Variants in SYNE2 observed in about 807,000 individuals in gnomAD.
The protein encoded by SYNE2 is nesprin-2.
Under a neutral mutation model 856.3 loss-of-function variants are expected in SYNE2, and 431 were observed. The ratio of observed to expected loss-of-function variants is 0.50; its 90% CI spans 0.47 to 0.55. The LOEUF (loss-of-function observed/expected upper bound fraction) is 0.55. Among genes scored for constraint, SYNE2 ranks in the 20% least tolerant of loss-of-function variants. SYNE2 has a pLI of 0.00. For missense variants in SYNE2, 8,129 were observed against 8,023.2 expected (o/e 1.01, Z -0.50); for synonymous variants, 2,923 against 2,872.3 (o/e 1.02, Z -0.56).
chr14:63,960,823 CTGTT>C (rs971401359), intron 8 of SYNE2: 5 of 756,784 alleles, frequency 6.6e-6, no homozygotes, highest in East Asian at 4.9e-5. Flanking sequence ...GATTGGAGGA[CTGTT>C]TGAGGCCAGG....
chr14:63,968,638 CAT>C (rs2096429890), intron 11 of SYNE2, among the ~76,000 whole-genome samples: 1 of 152,094 alleles, frequency 6.6e-6, no homozygotes, highest in South Asian at 2.1e-4. Context: ...GAAAAGAACA[CAT>C]ATTCTGCAGT....
intron 68 of SYNE2, 127 bp downstream of exon 68, chr14:64,121,188 G>A (rs538993306): frequency 1.2e-5 from 16 of 1,328,210 alleles, no homozygotes; most frequent in Admixed American, 5.7e-5. Flanking sequence ...CCAGGTGTTC[G>A]AGGCCAGCCT....
intron 6 of SYNE2, among the ~76,000 whole-genome samples, chr14:63,944,451 T>C (rs2095984655): frequency 6.6e-6 from 1 of 151,442 alleles, no homozygotes; most frequent in South Asian, 2.1e-4. Context: ...ACAATCTTAA[T>C]TATTTCCACA....
At chr14:64,084,032 C>A (rs537025117) in intron 57 of SYNE2, among the ~76,000 whole-genome samples, 2 of 151,380 alleles carry the variant, frequency 1.3e-5, no homozygotes, top group African/African-American at 2.4e-5. Flanking sequence ...TCAAGTGATT[C>A]TTCTGCCTCA....
At chr14:63,973,619 G>A (rs1317321120) in intron 11 of SYNE2, among the ~76,000 whole-genome samples, 1 of 110,688 alleles carries the variant, frequency 9.0e-6, no homozygotes, top group African/African-American at 3.8e-5. Context: ...GTAACACACC[G>A]AGAGTCCATC....
At chr14:63,782,015 G>C (rs1209312739) in intron 1 of SYNE2, among the ~76,000 whole-genome samples, 1 of 151,862 alleles carries the variant, frequency 6.6e-6, no homozygotes, top group African/African-American at 2.4e-5. Context: ...CACAGCTGTA[G>C]TCCCAACTAC....
chr14:63,861,782 A>G (rs1893812909), intron 1 of SYNE2, among the ~76,000 whole-genome samples: 1 of 152,174 alleles, frequency 6.6e-6, no homozygotes, highest in Non-Finnish European at 1.5e-5. Flanking sequence ...AAAGGAATGT[A>G]GGTAAAACAA....
Position 64,177,451 on chromosome 14 carries a change from G to A in SYNE2, c.17524G>A (p.Glu5842Lys), listed in dbSNP as rs769564739. The change falls in exon 96 of 116, where the codon GAG (glutamate) becomes AAG (lysine). Residue 5842 changes from glutamate to lysine, a missense_variant. By Grantham distance (56) the Glu-to-Lys change is moderately conservative. Around this residue, in one of 3 missense-constraint regions of SYNE2, gnomAD observed 5,410 missense variants for 5,284.8 expected, o/e 1.02. Coordinates refer to ENST00000555002, the MANE Select transcript of SYNE2 (RefSeq NM_182914.3). ...QSEDPLPELH[E>K]DLHNEKELIK... The stretch of plus-strand genomic sequence containing the variant: ...TGAAGATCCTCTTCCAGAGCTTCAC[G>A]AGGACCTCCATAACGAAAAAGAGCT... 5.0e-5 allele frequency: 80 copies of A among 1,614,034 alleles called. No individual in the cohort carries two copies. Among genetic ancestry groups the A allele is most frequent in the Non-Finnish European group, 5.8e-5 (68 of 1,180,022 alleles).
chr14:63,876,060 C>T (rs187075626), intron 1 of SYNE2, among the ~76,000 whole-genome samples: 5 of 152,248 alleles, frequency 3.3e-5, no homozygotes, highest in African/African-American at 1.2e-4. Flanking sequence ...TATGATGGAC[C>T]TGTTTTATGA....
chr14:64,100,531 A>AAAAATATATAT (rs1491537041), intron 63 of SYNE2, among the ~76,000 whole-genome samples: 2 of 39,482 alleles, frequency 5.1e-5, no homozygotes, highest in African/African-American at 9.2e-5. Context: ...AAAAAAAAAA[A>AAAAATATATAT]ATATATATAT....
intron 96 of SYNE2, among the ~76,000 whole-genome samples, chr14:64,182,972 C>T (rs1441543709): frequency 6.7e-6 from 1 of 149,266 alleles, no homozygotes; most frequent in African/African-American, 2.5e-5. Context: ...CGGGCAGAGG[C>T]GCCCCCCACC....
At chr14:64,091,505 G>T (rs2097614003) in intron 60 of SYNE2, among the ~76,000 whole-genome samples, 1 of 152,194 alleles carries the variant, frequency 6.6e-6, no homozygotes, top group South Asian at 2.1e-4. Flanking sequence ...TAAGTGACTT[G>T]CTGAAAGACC....
At chr14:64,077,385 A>AT (rs5809212) in intron 54 of SYNE2, among the ~76,000 whole-genome samples, 13 of 150,352 alleles carry the variant, frequency 8.6e-5, no homozygotes, top group South Asian at 2.1e-4. Context: ...CCAAAGTGGG[A>AT]TTTTTTTTTT....
intron 1 of SYNE2, among the ~76,000 whole-genome samples, chr14:63,892,923 T>G (rs2095168909): frequency 6.6e-6 from 1 of 152,022 alleles, no homozygotes; most frequent in African/African-American, 2.4e-5. Flanking sequence ...ACAAAGGATT[T>G]AAGATGATCA....
chr14:64,130,001 C>T, intron 75 of SYNE2, 47 bp from the exon 76 acceptor site: 1 of 1,612,996 alleles, frequency 6.2e-7, no homozygotes, highest in Non-Finnish European at 8.5e-7. Context: ...CAGTTATTGC[C>T]CCGGTTGGAT....
intron 31 of SYNE2, among the ~76,000 whole-genome samples, chr14:64,009,501 A>C (rs1469456111): frequency 1.4e-5 from 2 of 139,312 alleles, no homozygotes; most frequent in Non-Finnish European, 3.0e-5. Context: ...ACACCACTGC[A>C]CTCTAGCTTG....
intron 1 of SYNE2, among the ~76,000 whole-genome samples, chr14:63,783,478 A>G (rs1037103381): frequency 2.6e-5 from 4 of 152,270 alleles, no homozygotes; most frequent in South Asian, 4.1e-4. Context: ...CCCGGGTTCA[A>G]GGAATTCTCC....
rs1467018985 is a variant in SYNE2 at position 64,165,900 on chromosome 14, G to A, written c.16605+490G>A. Reference sequence around the variant, plus strand: ...CCTAGAAAAAGTAGGATGACATAGGGATCTCTTTTAGTAATACGTCAGAGT... The same window carrying A: ...CCTAGAAAAAGTAGGATGACATAGGAATCTCTTTTAGTAATACGTCAGAGT... On this transcript the variant is annotated intron_variant, in intron 90 of 115. Transcript: ENST00000555002. Among the ~76,000 whole-genome samples the A allele has an allele frequency of 2.6e-5, 4 of 152,214 alleles. No individual in the cohort carries two copies. The East Asian group carries it at 7.7e-4, about 29-fold the overall frequency.
chr14:63,786,997 A>G (rs1887554214), intron 1 of SYNE2, among the ~76,000 whole-genome samples: 1 of 152,126 alleles, frequency 6.6e-6, no homozygotes, highest in Non-Finnish European at 1.5e-5. Flanking sequence ...TCCTGGGCTC[A>G]AGCAATCCAC....
Sources: gnomAD v4.1 joint callset for allele counts (sites outside exome capture counted in the v4.1 genomes callset) on GRCh38, gnomAD v4.1.1 for gene constraint, gnomAD v4.1.1 regional missense constraint, MANE v1.5 for transcripts, NCBI Gene and HGNC (gene_info 2026-07-23, HGNC 2026-07-21) for gene names.